ANKRD13B: variants seen among roughly 807,000 people sequenced by gnomAD.
The protein encoded by ANKRD13B is ankyrin repeat domain 13B.
ANKRD13B carries 33 observed loss-of-function variants against 74.4 expected under a neutral mutation model. The observed-to-expected ratio is 0.44, with a 90% CI of 0.34 to 0.59. The LOEUF (loss-of-function observed/expected upper bound fraction) is 0.59. ANKRD13B is among the 20% of genes least tolerant of loss of function. The probability of loss-of-function intolerance (pLI) is 0.02; values close to 1 mark genes in which losing one functional copy is unlikely to be tolerated. For synonymous variants in ANKRD13B, 341 were observed against 362.9 expected (o/e 0.94, Z 0.68); for missense variants, 676 against 877.9 (o/e 0.77, Z 2.91).
chr17:29,611,954 C>T lies in ANKRD13B; in HGVS notation c.1048C>T (p.Leu350=), dbSNP rs1388529039. The T allele has an allele frequency of 1.1e-5, 17 of 1,614,024 alleles. No individual in the cohort carries two copies. In the Admixed American group the frequency reaches 2.8e-4, roughly 27 times the overall value. Residue 350 remains leucine, a synonymous_variant, in exon 10 of 15, where the codon CTG becomes TTG. Coordinates refer to ENST00000394859, the MANE Select transcript of ANKRD13B (RefSeq NM_152345.5). The surrounding 1 kb of genome is among the most constrained non-coding windows in gnomAD (Gnocchi z 4.3). Reference sequence around the variant, plus strand: ...AGAATACTTCAACCCCAACTTTGAGCTGGGCAACCGTGATATGGGCCGCCC... The same window carrying T: ...AGAATACTTCAACCCCAACTTTGAGTTGGGCAACCGTGATATGGGCCGCCC... The part of the protein sequence containing the change: ...AEEYFNPNFE[L]GNRDMGRPME...
Position 29,613,616 on chromosome 17 carries a change from G to A in ANKRD13B, c.*34G>A, listed in dbSNP as rs893740978. 2.1e-6 allele frequency: 3 copies of A among 1,395,772 alleles called. No homozygotes were observed. In the African/African-American group the frequency reaches 4.5e-5, roughly 21 times the overall value. 86.5% of individuals were successfully genotyped at this position (1,395,772 alleles called of 1,614,324 possible). On this transcript the variant is annotated 3_prime_UTR_variant, in exon 15 of 15. Coordinates refer to ENST00000394859, the MANE Select transcript of ANKRD13B (RefSeq NM_152345.5). ...GCCGGGACCCTCGCCAGCGCCACGC[G>A]CGCCACGCCCAGGGCCAGGAGCCAG...
chr17:29,610,682 C>T lies in ANKRD13B; in HGVS notation c.823-3C>T, dbSNP rs1405456862. On this transcript the variant is annotated splice_polypyrimidine_tract_variant and splice_region_variant and intron_variant, in intron 7 of 14. Coordinates refer to ENST00000394859, the MANE Select transcript of ANKRD13B (RefSeq NM_152345.5). The stretch of plus-strand genomic sequence containing the variant: ...TATGAGCCCTTTCTTCATCTGTCCC[C>T]AGGTGTATGGGGCATCTAACGTGGA... 4.3e-6 allele frequency: 7 copies of T among 1,613,700 alleles called. No homozygotes were observed. The African/African-American group carries it at 5.3e-5, about 12-fold the overall frequency.
Position 29,612,681 on chromosome 17 carries a change from G to C in ANKRD13B, c.1441G>C (p.Ala481Pro). Residue 481 changes from alanine to proline, a missense_variant, in exon 13 of 15, where the codon GCG becomes CCG. This residue lies in a region of ANKRD13B where 152 missense variants were observed against 181.4 expected (regional missense o/e 0.84). Coordinates refer to ENST00000394859, the MANE Select transcript of ANKRD13B (RefSeq NM_152345.5). The surrounding 1 kb of genome is among the most constrained non-coding windows in gnomAD (Gnocchi z 6.1). ...CTGCCGCGGCTGCGAGATCTCCCCA[G>C]CGTTGTTCGAGGCCCCGCGCGGCTA... ...TSCRGCEISP[A>P]LFEAPRGYSM... 1 of 1,587,372 alleles carries C rather than the reference G, an allele frequency of 6.3e-7. No homozygotes were observed. Among genetic ancestry groups the C allele is most frequent in the Non-Finnish European group, 8.5e-7 (1 of 1,172,878 alleles).
intron 7 of ANKRD13B, among the ~76,000 whole-genome samples, chr17:29,610,356 G>A (rs2034540153): frequency 6.6e-6 from 1 of 152,162 alleles, no homozygotes. Context: ...ACCCCCACCA[G>A]TGCATGGACC....
At position 29,612,310 on chromosome 17, in the gene ANKRD13B, G is replaced by C; in HGVS notation, c.1258+37G>C. 6.2e-7 allele frequency: 1 copy of C among 1,612,484 alleles called. No homozygotes were observed. Among genetic ancestry groups the C allele is most frequent in the Non-Finnish European group, 8.5e-7 (1 of 1,178,852 alleles). ...CGGCCATTTCTCCTGAGCCCGTGGCGGGCCGACCGGGGTTTAGATGAGGTC... is the reference window on the plus strand; with the variant it reads ...CGGCCATTTCTCCTGAGCCCGTGGCCGGCCGACCGGGGTTTAGATGAGGTC... On this transcript the variant is annotated intron_variant, in intron 11 of 14. Coordinates refer to ENST00000394859, the MANE Select transcript of ANKRD13B (RefSeq NM_152345.5). The surrounding 1 kb of genome is among the most constrained non-coding windows in gnomAD (Gnocchi z 6.1).
At position 29,593,517 on chromosome 17, in the gene ANKRD13B, G is replaced by C; in HGVS notation, c.-105G>C. ...TCGCACATGCCCGAGCCGCAGCCCC[G>C]CGAGCAGGCAGCGCCGGCCCCCCGC... On this transcript the variant is annotated 5_prime_UTR_variant, in exon 1 of 15. Coordinates refer to ENST00000394859, the MANE Select transcript of ANKRD13B (RefSeq NM_152345.5). 2 of 345,052 alleles carry C rather than the reference G, an allele frequency of 5.8e-6. No individual in the cohort carries two copies. The highest frequency in any genetic ancestry group is 8.1e-6 in the Non-Finnish European group (2 of 246,718). The allele number at this position is 345,052 out of a possible 1,614,324, so 21.4% of individuals were successfully genotyped here.
intron 1 of ANKRD13B, among the ~76,000 whole-genome samples, chr17:29,601,224 CTTT>C (rs534601119): frequency 2.5e-5 from 3 of 122,192 alleles, no homozygotes; most frequent in Admixed American, 8.3e-5. Flanking sequence ...GCCTGACATT[CTTT>C]TTTTTTTTTT....
Position 29,609,434 on chromosome 17 carries a change from C to T in ANKRD13B, c.822+13C>T. The T allele has an allele frequency of 1.2e-6, 2 of 1,612,802 alleles. No individual in the cohort carries two copies. Among genetic ancestry groups the T allele is most frequent in the South Asian group, 1.1e-5 (1 of 91,038 alleles). Reference sequence around the variant, plus strand: ...GTATGAAGCTAAGGTGAGGCTGCAGCTCCCAGCTGCCAGCCCAGCTGCACT... The same window carrying T: ...GTATGAAGCTAAGGTGAGGCTGCAGTTCCCAGCTGCCAGCCCAGCTGCACT... On this transcript the variant is annotated intron_variant, in intron 7 of 14. Coordinates refer to ENST00000394859, the MANE Select transcript of ANKRD13B (RefSeq NM_152345.5). This position sits in a 1 kb window ranked among gnomAD's most constrained non-coding sequence, Gnocchi z 4.0.
chr17:29,609,602 A>G lies in ANKRD13B; in HGVS notation c.822+181A>G, dbSNP rs2034508741. Among the ~76,000 whole-genome samples, 1 of 152,230 alleles carries G rather than the reference A, an allele frequency of 6.6e-6. No individual in the cohort carries two copies. Among genetic ancestry groups the G allele is most frequent in the African/African-American group, 2.4e-5 (1 of 41,462 alleles). On this transcript the variant is annotated intron_variant, in intron 7 of 14. Transcript: ENST00000394859. The surrounding 1 kb of genome is among the most constrained non-coding windows in gnomAD (Gnocchi z 4.0). The stretch of plus-strand genomic sequence containing the variant: ...TTTATATGGATGTATGGATGTATAC[A>G]CAGGGCACGTGCACACGCACACACA...
chr17:29,593,222 C>CGGGCGCGCGTCCCTGCGGCGGCGTCCCCG lies in ANKRD13B; in HGVS notation c.-395_-367dup, dbSNP rs2033828115. Among the ~76,000 whole-genome samples, 2 of 149,734 alleles carry CGGGCGCGCGTCCCTGCGGCGGCGTCCCCG rather than the reference C, an allele frequency of 1.3e-5. No homozygotes were observed. Among genetic ancestry groups the CGGGCGCGCGTCCCTGCGGCGGCGTCCCCG allele is most frequent in the African/African-American group, 4.9e-5 (2 of 41,070 alleles). ...TGCAGCTGTGGGGACCCGGGGGCTG[C>CGGGCGCGCGTCCCTGCGGCGGCGTCCCCG]GGGCGCGCGTCCCTGCGGCGGCGTC... On this transcript the variant is annotated 5_prime_UTR_variant, in exon 1 of 15. Coordinates refer to ENST00000394859, the MANE Select transcript of ANKRD13B (RefSeq NM_152345.5).
chr17:29,612,174 G>A lies in ANKRD13B; in HGVS notation c.1159G>A (p.Ala387Thr), dbSNP rs1370866876. The A allele has an allele frequency of 6.2e-7, 1 of 1,614,108 alleles. No homozygotes were observed. Among genetic ancestry groups the A allele is most frequent in the South Asian group, 1.1e-5 (1 of 91,076 alleles). Reference sequence around the variant, plus strand: ...TCCCCTGTCCCTGTGTGAGCAGGTGGCCCCCATCATTGACCTCATGGCCGT... The same window carrying A: ...TCCCCTGTCCCTGTGTGAGCAGGTGACCCCCATCATTGACCTCATGGCCGT... ...EHPLSLCEQV[A>T]PIIDLMAVSN... Residue 387 changes from alanine to threonine, a missense_variant, in exon 11 of 15, where the codon GCC becomes ACC. Ala to Thr is a moderately conservative substitution (Grantham distance 58). Coordinates refer to ENST00000394859, the MANE Select transcript of ANKRD13B (RefSeq NM_152345.5). The surrounding 1 kb of genome is among the most constrained non-coding windows in gnomAD (Gnocchi z 6.1).
rs1042739448 is a variant in ANKRD13B at position 29,613,848 on chromosome 17, C to A, written c.*266C>A. The stretch of plus-strand genomic sequence containing the variant: ...ATTCCCCAACCCGCTCCCCTGGGCT[C>A]AGATCTGTCCTGTCCTAGGGCGGAG... On this transcript the variant is annotated 3_prime_UTR_variant, in exon 15 of 15. Transcript: ENST00000394859. The A allele has an allele frequency of 7.8e-5, 40 of 512,054 alleles. No homozygotes were observed. In the South Asian group the frequency reaches 1.2e-3, roughly 16 times the overall value. The allele number at this position is 512,054 out of a possible 1,614,324, so 31.7% of individuals were successfully genotyped here. A position where few individuals can be genotyped will look rare whatever the true frequency, so the allele number is the denominator to read the frequency against.
In ANKRD13B at chr17:29,602,833, C is replaced by T. The variant is rs536510237; in HGVS notation, c.115-4909C>T. ...TTATCAAGTTTGGAAAAATTTTGGA[C>T]GTTCTTTCTTTCTTTTATTATTTAT... On this transcript the variant is annotated intron_variant, in intron 1 of 14. Transcript: ENST00000394859. Among the ~76,000 whole-genome samples, 142 of 152,082 alleles carry T rather than the reference C, an allele frequency of 9.3e-4. 1 individual carries two copies. Among genetic ancestry groups the T allele is most frequent in the Non-Finnish European group, 1.4e-3 (96 of 67,976 alleles).
intron 1 of ANKRD13B, 161 bp downstream of exon 1, chr17:29,593,896 TCCCCTCCGGCC>T (rs771079478): frequency 3.9e-5 from 8 of 203,782 alleles, no homozygotes; most frequent in Non-Finnish European, 5.4e-5. Flanking sequence ...GAAAGGGTGA[TCCCCTCCGGCC>T]GGGACGGGCG....
intron 1 of ANKRD13B, among the ~76,000 whole-genome samples, chr17:29,606,235 A>G (rs2034369460): frequency 6.6e-6 from 1 of 151,572 alleles, no homozygotes; most frequent in South Asian, 2.1e-4. Flanking sequence ...TCTTAACCAG[A>G]AGTCCTAGAC....
intron 7 of ANKRD13B, among the ~76,000 whole-genome samples, chr17:29,610,191 A>T (rs750876478): frequency 1.6e-5 from 2 of 123,232 alleles, no homozygotes; most frequent in Non-Finnish European, 1.9e-5. Flanking sequence ...GACTCCATCT[A>T]AAAAAAAAAA....
chr17:29,597,912 G>A (rs1355969755), intron 1 of ANKRD13B, among the ~76,000 whole-genome samples: 2 of 152,168 alleles, frequency 1.3e-5, no homozygotes, highest in African/African-American at 2.4e-5. Context: ...CACCTGATGG[G>A]GAGGTGGAGG....
At position 29,612,365 on chromosome 17, in the gene ANKRD13B, GC is replaced by G. The variant is rs746160687; in HGVS notation, c.1259-36del. On this transcript the variant is annotated intron_variant, in intron 11 of 14. Coordinates refer to ENST00000394859, the MANE Select transcript of ANKRD13B (RefSeq NM_152345.5). The surrounding 1 kb of genome is among the most constrained non-coding windows in gnomAD (Gnocchi z 6.1). ...TGGGGCTGAGGCTGAGGTGTGAGGG[GC>G]TGAGTGGTGGCGCCTAAAGGTTTCC... 6.2e-7 allele frequency: 1 copy of G among 1,611,922 alleles called. No homozygotes were observed. Among genetic ancestry groups the G allele is most frequent in the Non-Finnish European group, 8.5e-7 (1 of 1,178,498 alleles).
chr17:29,598,211 C>T (rs1247812756), intron 1 of ANKRD13B, among the ~76,000 whole-genome samples: 2 of 152,112 alleles, frequency 1.3e-5, no homozygotes, highest in Admixed American at 1.3e-4. Flanking sequence ...GGGCCAGGCC[C>T]GCTGGTTTTT....
Sources: allele counts gnomAD v4.1 joint callset (sites outside exome capture counted in the v4.1 genomes callset), GRCh38; gene constraint gnomAD v4.1.1; regional missense constraint gnomAD v4.1.1; non-coding constraint Gnocchi (gnomAD v3.1); transcripts MANE v1.5; gene names NCBI Gene and HGNC (gene_info 2026-07-23, HGNC 2026-07-21).